Variants in SMARCA4 observed in about 807,000 individuals in gnomAD.
SMARCA4 encodes the protein SWI/SNF-related matrix-associated actin-dependent regulator of chromatin subfamily A member 4.
In SMARCA4, 31 loss-of-function variants were observed where a neutral mutation model predicts 193.9. The observed-to-expected ratio is 0.16, with a 90% CI of 0.12 to 0.22. The LOEUF is 0.22. Among genes scored for constraint, SMARCA4 ranks in the 10% least tolerant of loss-of-function variants. The pLI, the probability that SMARCA4 is intolerant of heterozygous loss-of-function variation, is 1.00. For synonymous variants in SMARCA4, 942 were observed against 933.1 expected, an observed-to-expected ratio of 1.01 and a Z score of -0.17; for missense variants, 1,148 against 2,296.0, an observed-to-expected ratio of 0.50 and a Z score of 10.22.
At chr19:10,989,480 C>T (rs1568430922) in intron 7 of SMARCA4, 37 bp downstream of exon 7, 2 of 1,610,784 alleles carry the variant, frequency 1.2e-6, no homozygotes, top group Non-Finnish European at 1.7e-6. Context: ...CCGAAAAGGG[C>T]CTTTGTCACC....
rs2075165665 is a variant in SMARCA4 at position 11,034,821 on chromosome 19, A to C, written c.3952-93A>C. 1 of 840,020 alleles carries C rather than the reference A, an allele frequency of 1.2e-6. No homozygotes were observed. The highest frequency in any genetic ancestry group is 1.7e-5 in the African/African-American group (1 of 59,668). The allele number at this position is 840,020 out of a possible 1,614,324, so 52.0% of individuals were successfully genotyped here. On this transcript the variant is annotated intron_variant, in intron 28 of 34. Transcript: ENST00000344626. The surrounding 1 kb of genome is among the most constrained non-coding windows in gnomAD (Gnocchi z 7.0). The stretch of plus-strand genomic sequence containing the variant: ...CAGCAGCGTGGAGCCCCACGGGCAG[A>C]GAAAGGCCCTTCTGAACTCTCGGTG...
At chr19:10,990,906 A>AG (rs1416214460) in intron 7 of SMARCA4, among the ~76,000 whole-genome samples, 1 of 152,234 alleles carries the variant, frequency 6.6e-6, no homozygotes, top group Non-Finnish European at 1.5e-5. Flanking sequence ...TGTGTGGTAG[A>AG]GGGGAGGCAA....
At chr19:10,974,689 ATTTTTTTTTTTTTTTT>A (rs74182450) in intron 1 of SMARCA4, among the ~76,000 whole-genome samples, 124 of 37,094 alleles carry the variant, frequency 3.3e-3, no homozygotes, top group African/African-American at 6.5e-3. Flanking sequence ...ATATATATAT[ATTTTTTTTTTTTTTTT>A]TTTTTTTTTT....
intron 29 of SMARCA4, among the ~76,000 whole-genome samples, chr19:11,037,133 A>ATC (rs1158003058): frequency 2.4e-4 from 37 of 152,300 alleles, no homozygotes; most frequent in African/African-American, 8.4e-4. Flanking sequence ...TCTCTTTAAT[A>ATC]TGTGATTTCT....
In SMARCA4 at chr19:10,961,529, A is replaced by T. The variant is rs1373666103; in HGVS notation, c.-32+355A>T. 4 of 152,206 alleles carry T rather than the reference A, an allele frequency of 2.6e-5. No individual in the cohort carries two copies. In the East Asian group the frequency reaches 7.7e-4, roughly 29 times the overall value. 9.4% of individuals were successfully genotyped at this position (152,206 alleles called of 1,614,324 possible). On this transcript the variant is annotated intron_variant, in intron 1 of 34. Transcript: ENST00000344626. ...CCCTCCCAATTACAGCGGCTGCAAC[A>T]ATAGGCAGGCGTTGGGGCTTTTCTG...
intron 1 of SMARCA4, among the ~76,000 whole-genome samples, chr19:10,965,982 T>G (rs1322595689): frequency 2.1e-4 from 30 of 140,034 alleles, no homozygotes; most frequent in Non-Finnish European, 3.9e-4. Flanking sequence ...TTTTTTTTTT[T>G]TTTTTTTTTT....
At chr19:11,005,984 C>G (rs771374858) in intron 13 of SMARCA4, among the ~76,000 whole-genome samples, 11 of 152,224 alleles carry the variant, frequency 7.2e-5, no homozygotes, top group Non-Finnish European at 1.2e-4. Flanking sequence ...TCCAGCATGT[C>G]TGTACCAGCT....
At position 10,985,547 on chromosome 19, in the gene SMARCA4, T is replaced by G; in HGVS notation, c.355+142T>G. 1 of 1,028,980 alleles carries G rather than the reference T, an allele frequency of 9.7e-7. No individual in the cohort carries two copies. Among genetic ancestry groups the G allele is most frequent in the Non-Finnish European group, 1.5e-6 (1 of 685,926 alleles). The allele number at this position is 1,028,980 out of a possible 1,614,324, so 63.7% of individuals were successfully genotyped here. A position where few individuals can be genotyped will look rare whatever the true frequency, so the allele number is the denominator to read the frequency against. ...GGGTGGGTGGCCCGCCACAGAGAGCTGTCTGGCATGGCGTGGCTGGTGCTC... is the reference window on the plus strand; with the variant it reads ...GGGTGGGTGGCCCGCCACAGAGAGCGGTCTGGCATGGCGTGGCTGGTGCTC... On this transcript the variant is annotated intron_variant, in intron 3 of 34. Transcript: ENST00000344626. The surrounding 1 kb of genome is among the most constrained non-coding windows in gnomAD (Gnocchi z 4.5).
chr19:11,006,117 T>A (rs1245296663), intron 13 of SMARCA4, among the ~76,000 whole-genome samples: 1 of 152,262 alleles, frequency 6.6e-6, no homozygotes, highest in Non-Finnish European at 1.5e-5. Flanking sequence ...TTTAACAGAT[T>A]AATTGCAGAT....
In SMARCA4 at chr19:11,035,108, A is replaced by G. The variant is rs767883680; in HGVS notation, c.4146A>G (p.Ser1382=). ...GCAAGGAGGTGGACTACAGCGACTCACTGACGGAGAAGCAGTGGCTCAAGG... is the reference window on the plus strand; with the variant it reads ...GCAAGGAGGTGGACTACAGCGACTCGCTGACGGAGAAGCAGTGGCTCAAGG... ...RHRKEVDYSD[S]LTEKQWLKAI... The change falls in exon 29 of 35, where the codon TCA becomes TCG. Residue 1382 remains serine, a synonymous_variant. Coordinates refer to ENST00000344626, the MANE Select transcript of SMARCA4 (RefSeq NM_003072.5). 2 of 1,612,826 alleles carry G rather than the reference A, an allele frequency of 1.2e-6. No individual in the cohort carries two copies. Among genetic ancestry groups the G allele is most frequent in the Non-Finnish European group, 1.7e-6 (2 of 1,179,840 alleles).
At chr19:10,999,348 T>C (rs2087401917) in intron 11 of SMARCA4, among the ~76,000 whole-genome samples, 1 of 152,156 alleles carries the variant, frequency 6.6e-6, no homozygotes, top group African/African-American at 2.4e-5. Context: ...CTCATCTGCA[T>C]TGCTGTTTGT....
intron 16 of SMARCA4, 181 bp from the exon 17 acceptor site, chr19:11,018,776 C>CA: frequency 2.8e-6 from 2 of 712,420 alleles, no homozygotes; most frequent in Non-Finnish European, 5.2e-6. Context: ...CAGAGCCCTT[C>CA]ACGTCCTCGC....
intron 9 of SMARCA4, chr19:10,995,457 A>G (rs1229451361): frequency 2.4e-5 from 11 of 458,290 alleles, no homozygotes; most frequent in Non-Finnish European, 4.8e-5. Flanking sequence ...CTTGAGGGGC[A>G]GATACGCGAA....
rs1205508248 is a variant in SMARCA4 at position 11,059,866 on chromosome 19, G to C, written c.4749G>C (p.Glu1583Asp). 6.2e-7 allele frequency: 1 copy of C among 1,613,964 alleles called. No homozygotes were observed. Among genetic ancestry groups the C allele is most frequent in the South Asian group, 1.1e-5 (1 of 91,080 alleles). Residue 1583 changes from glutamate (E) to aspartate (D), a missense_variant, in exon 33 of 35, where the codon GAG becomes GAC. By Grantham distance (45) the Glu-to-Asp change is conservative. This residue lies in a region of SMARCA4 where 105 missense variants were observed against 133.7 expected (regional missense o/e 0.79). Transcript: ENST00000344626. The part of the protein sequence containing the change: ...EESEEEEEGE[E>D]EGSESESRSV... Reference sequence around the variant, plus strand: ...GTGAGGAGGAGGAAGAGGGCGAGGAGGAAGGCTCCGAATCCGAATGTGAGT... The same window carrying C: ...GTGAGGAGGAGGAAGAGGGCGAGGACGAAGGCTCCGAATCCGAATGTGAGT...
chr19:10,980,048 C>T (rs1405459588), intron 1 of SMARCA4, among the ~76,000 whole-genome samples: 1 of 152,204 alleles, frequency 6.6e-6, no homozygotes, highest in Non-Finnish European at 1.5e-5. Context: ...TCGGCCAGTG[C>T]TTGTTCAAGT....
At chr19:10,965,945 A>G (rs2084177634) in intron 1 of SMARCA4, among the ~76,000 whole-genome samples, 1 of 151,386 alleles carries the variant, frequency 6.6e-6, no homozygotes, top group Non-Finnish European at 1.5e-5. Context: ...GGCATTGGAA[A>G]AGGGAGAGTG....
At chr19:11,016,047 G>T (rs1196189206) in intron 16 of SMARCA4, 2 of 152,122 alleles carry the variant, frequency 1.3e-5, no homozygotes, top group Non-Finnish European at 1.5e-5. Context: ...TCATGATTCT[G>T]CTGGCTGGAA....
intron 18 of SMARCA4, chr19:11,021,421 G>T: frequency 2.0e-6 from 1 of 489,614 alleles, no homozygotes; most frequent in East Asian, 4.1e-5. Flanking sequence ...ATTTTTCTGT[G>T]CTGTAGATTC....
chr19:11,061,328 TG>T (rs1568569298), intron 34 of SMARCA4, among the ~76,000 whole-genome samples: 26 of 148,452 alleles, frequency 1.8e-4, no homozygotes, highest in African/African-American at 6.5e-4. Flanking sequence ...GCAGGTGACA[TG>T]GGACAGAGCA....
Sources: gnomAD v4.1 joint callset for allele counts (sites outside exome capture counted in the v4.1 genomes callset) on GRCh38, gnomAD v4.1.1 for gene constraint, gnomAD v4.1.1 regional missense constraint, Gnocchi (gnomAD v3.1) non-coding constraint, MANE v1.5 for transcripts, NCBI Gene and HGNC (gene_info 2026-07-23, HGNC 2026-07-21) for gene names.